POLQ: variants seen among roughly 807,000 people sequenced by gnomAD.
The protein encoded by POLQ is epididymis secretory sperm binding protein.
In POLQ, 233 loss-of-function variants were observed where a neutral mutation model predicts 259.2. The ratio of observed to expected loss-of-function variants is 0.90; its 90% confidence interval spans 0.81 to 1.00. The LOEUF (loss-of-function observed/expected upper bound fraction) is 1.00. Ranked by LOEUF, POLQ falls within the 50% of genes least tolerant of loss-of-function variation. The pLI, the probability that POLQ is intolerant of heterozygous loss-of-function variation, is 0.00. For synonymous variants in POLQ, 1,025 were observed against 1,048.8 expected (o/e 0.98, Z 0.44); for missense variants, 2,871 against 3,051.6 (o/e 0.94, Z 1.39).
intron 12 of POLQ, among the ~76,000 whole-genome samples, chr3:121,501,636 TG>T (rs2108804024): frequency 9.2e-6 from 1 of 109,232 alleles, no homozygotes; most frequent in African/African-American, 3.6e-5. Context: ...CACTCCAGCC[TG>T]GGCGACAGAG....
intron 28 of POLQ, among the ~76,000 whole-genome samples, chr3:121,435,578 C>G (rs1490729173): frequency 6.6e-6 from 1 of 152,198 alleles, no homozygotes; most frequent in Non-Finnish European, 1.5e-5. Context: ...AAGTGGCCAA[C>G]TGTCCTGGTA....
chr3:121,460,545 C>T (rs1396830193), intron 24 of POLQ, among the ~76,000 whole-genome samples: 1 of 152,112 alleles, frequency 6.6e-6, no homozygotes, highest in Admixed American at 6.6e-5. Flanking sequence ...TGCTTTCATG[C>T]CTCTCTTATT....
chr3:121,469,971 TTC>T (rs1189480050), intron 22 of POLQ, among the ~76,000 whole-genome samples: 1 of 152,226 alleles, frequency 6.6e-6, no homozygotes, highest in African/African-American at 2.4e-5. Flanking sequence ...TGATTTTATC[TTC>T]TGTTTTGTAA....
intron 16 of POLQ, among the ~76,000 whole-genome samples, chr3:121,485,902 T>C (rs2048007374): frequency 6.6e-6 from 1 of 152,214 alleles, no homozygotes; most frequent in Non-Finnish European, 1.5e-5. Context: ...CAAACCTTTA[T>C]GAACAAATTA....
At chr3:121,513,404 C>T (rs1201360337) in intron 9 of POLQ, among the ~76,000 whole-genome samples, 1 of 151,322 alleles carries the variant, frequency 6.6e-6, no homozygotes, top group African/African-American at 2.4e-5. Context: ...GAGATGGAGA[C>T]CAGCCTGGCC....
chr3:121,522,422 C>T (rs917033341), intron 7 of POLQ, among the ~76,000 whole-genome samples: 11 of 148,760 alleles, frequency 7.4e-5, no homozygotes, highest in Non-Finnish European at 1.2e-4. Flanking sequence ...CGCCATTCTC[C>T]TGCCTCAGCC....
At position 121,485,148 on chromosome 3, in the gene POLQ, C is replaced by G. The variant is rs943101399; in HGVS notation, c.5666G>C (p.Gly1889Ala). The G allele has an allele frequency of 7.5e-6, 12 of 1,608,684 alleles. No homozygotes were observed. The highest frequency in any genetic ancestry group is 1.0e-5 in the Non-Finnish European group (12 of 1,176,414). ...SPQEIPIRDD[G>A]FPIKGCDDTL... ...GTCATCACAACCTTTAATGGGAAAT[C>G]CATCATCTCTAATAGGAATTTCCTG... The change falls in exon 17 of 30, where the codon GGA becomes GCA. Residue 1889 changes from glycine to alanine, a missense_variant. By Grantham distance (60) the Gly-to-Ala change is moderately conservative. This residue lies in a region of POLQ where 2,080 missense variants were observed against 2,126.0 expected (regional missense o/e 0.98). Coordinates refer to ENST00000264233, the MANE Select transcript of POLQ (RefSeq NM_199420.4).
intron 28 of POLQ, 134 bp downstream of exon 28, chr3:121,435,988 T>G: frequency 1.8e-6 from 1 of 569,082 alleles, no homozygotes; most frequent in Non-Finnish European, 3.0e-6. Context: ...TAATAATTTC[T>G]AATAGTATAA....
At position 121,472,035 on chromosome 3, in the gene POLQ, C is replaced by A. The variant is rs769480274; in HGVS notation, c.6673G>T (p.Gly2225Ter). The change falls in exon 22 of 30, where the codon GGA (glycine) becomes TGA (stop). Residue 2225 changes from glycine (G) to a stop codon, truncating the protein, a stop_gained. Coordinates refer to ENST00000264233, the MANE Select transcript of POLQ (RefSeq NM_199420.4). LOFTEE classifies it high-confidence loss of function. Reference protein sequence around the residue: ...QREKCLNPFLGMERIYPVSQS... With the variant: ...QREKCLNPFL Reference sequence around the variant, plus strand: ...GATACAGGATAGATTCTTTCCATTCCAAGAAAAGGATTAAGACACTTTTCC... The same window carrying A: ...GATACAGGATAGATTCTTTCCATTCAAAGAAAAGGATTAAGACACTTTTCC... The A allele has an allele frequency of 6.3e-7, 1 of 1,577,442 alleles. No individual in the cohort carries two copies. The highest frequency in any genetic ancestry group is 1.7e-5 in the Admixed American group (1 of 59,130).
rs2047514565 is a variant in POLQ, at chr3:121,433,086, G to A, written c.7544-53C>T. ...ATCAGCATGTCGCTAAGTCATAGGAGAATGTTTTTAGAGATTCTGAGTAAC... is the reference window on the plus strand; with the variant it reads ...ATCAGCATGTCGCTAAGTCATAGGAAAATGTTTTTAGAGATTCTGAGTAAC... On this transcript the variant is annotated intron_variant, in intron 28 of 29. Coordinates refer to ENST00000264233, the MANE Select transcript of POLQ (RefSeq NM_199420.4). 4 of 956,866 alleles carry A rather than the reference G, an allele frequency of 4.2e-6. No individual in the cohort carries two copies. The Admixed American group carries it at 7.1e-5, about 17-fold the overall frequency. The allele number at this position is 956,866 out of a possible 1,614,324, so 59.3% of individuals were successfully genotyped here.
At chr3:121,474,916 G>A (rs1348527628) in intron 20 of POLQ, among the ~76,000 whole-genome samples, 1 of 152,134 alleles carries the variant, frequency 6.6e-6, no homozygotes, top group Non-Finnish European at 1.5e-5. Flanking sequence ...CATTCATGGG[G>A]TACAAGATGA....
In POLQ at chr3:121,529,421, A is replaced by C. The variant is rs80227574; in HGVS notation, c.1108+224T>G. 7.8e-4 allele frequency among the ~76,000 whole-genome samples: 119 copies of C among 152,334 alleles called. 2 individuals are homozygous for C. In the East Asian group the frequency reaches 0.022, roughly 29 times the overall value. On this transcript the variant is annotated intron_variant, in intron 7 of 29. Transcript: ENST00000264233. ...TATAGTATATACCCAGTATTCTAAA[A>C]ATCTAAAGCTGATTAGTCTAAGCAT...
intron 26 of POLQ, among the ~76,000 whole-genome samples, chr3:121,447,961 T>C (rs2047644876): frequency 6.6e-6 from 1 of 152,232 alleles, no homozygotes; most frequent in Non-Finnish European, 1.5e-5. Flanking sequence ...TTCTTTATCC[T>C]TGACCTTTGG....
rs368384239 is a variant in POLQ at position 121,523,482 on chromosome 3, T to C, written c.1109-1333A>G. ...ATCCCAGAACTTTGGGAGGCCAAAG[T>C]GGGCAGATCAGTTGAATCCAGGAGT... On this transcript the variant is annotated intron_variant, in intron 7 of 29. Transcript: ENST00000264233. Among the ~76,000 whole-genome samples the C allele has an allele frequency of 5.3e-5, 8 of 152,136 alleles. No homozygotes were observed. In the East Asian group the frequency reaches 9.7e-4, roughly 18 times the overall value.
intron 7 of POLQ, among the ~76,000 whole-genome samples, chr3:121,523,725 TAAAAACAA>T (rs2048354026): frequency 6.6e-6 from 1 of 150,492 alleles, no homozygotes; most frequent in Non-Finnish European, 1.5e-5. Context: ...AAAACAAAAA[TAAAAACAA>T]AAAAACAAAA....
At position 121,488,289 on chromosome 3, in the gene POLQ, A is replaced by G. The variant is rs1442374761; in HGVS notation, c.4642T>C (p.Leu1548=). ...ATAGATTCATCATTGGAACAAGTCA[A>G]CTGCTGGTGGGTATCTTGATTCTCA... ...VNENQDTHQQ[L]TCSNDESIIF... The change falls in exon 16 of 30, where the codon TTG becomes CTG. Residue 1548 remains leucine (L), a synonymous_variant. Transcript: ENST00000264233. 1.2e-6 allele frequency: 2 copies of G among 1,612,716 alleles called. No individual in the cohort carries two copies. Among genetic ancestry groups the G allele is most frequent in the Non-Finnish European group, 1.7e-6 (2 of 1,179,430 alleles).
chr3:121,465,080 T>C (rs1021734021), intron 24 of POLQ, among the ~76,000 whole-genome samples: 4 of 150,994 alleles, frequency 2.6e-5, no homozygotes, highest in African/African-American at 7.3e-5. Flanking sequence ...AAATGTTTTT[T>C]TTCTTTTTTC....
At chr3:121,458,274 T>C (rs1191042543) in intron 25 of POLQ, among the ~76,000 whole-genome samples, 2 of 152,034 alleles carry the variant, frequency 1.3e-5, no homozygotes, top group Admixed American at 6.6e-5. Context: ...TTAGGAGATA[T>C]ACCTAATGCT....
intron 12 of POLQ, among the ~76,000 whole-genome samples, chr3:121,503,922 G>A (rs1005149046): frequency 4.6e-5 from 7 of 152,184 alleles, no homozygotes; most frequent in South Asian, 2.1e-4. Context: ...GCATAATCTC[G>A]GCTCACTGCA....
Sources: allele counts gnomAD v4.1 joint callset (sites outside exome capture counted in the v4.1 genomes callset), GRCh38; gene constraint gnomAD v4.1.1; regional missense constraint gnomAD v4.1.1; transcripts MANE v1.5; gene names NCBI Gene and HGNC (gene_info 2026-07-23, HGNC 2026-07-21).